Variants in SGSM1 observed in about 807,000 individuals in gnomAD.
The protein encoded by SGSM1 is small G protein signaling modulator 1, also known as RUN and TBC1 domain containing 2.
Under a neutral mutation model 133.8 loss-of-function variants are expected in SGSM1, and 73 were observed. That is an observed-to-expected ratio of 0.55 (90% CI 0.45 to 0.66). SGSM1 has a LOEUF of 0.66. SGSM1 is among the 30% of genes least tolerant of loss of function. SGSM1 has a pLI of 0.00. For missense variants in SGSM1, 1,213 were observed against 1,448.1 expected, an observed-to-expected ratio of 0.84 and a Z score of 2.64; for synonymous variants, 563 against 573.0, an observed-to-expected ratio of 0.98 and a Z score of 0.25.
chr22:24,853,608 C>T (rs572364339), intron 5 of SGSM1, among the ~76,000 whole-genome samples: 2 of 148,962 alleles, frequency 1.3e-5, no homozygotes, highest in East Asian at 1.9e-4. Context: ...AGGCAAAAGG[C>T]ACTTCTTTTT....
chr22:24,847,888 C>T (rs73879148), intron 4 of SGSM1, 92 bp downstream of exon 4: 32 of 1,468,756 alleles, frequency 2.2e-5, no homozygotes, highest in Non-Finnish European at 2.6e-5. Context: ...ACCCCTAGCA[C>T]TCTTTTCAGT....
chr22:24,835,789 G>A (rs1396018382), intron 2 of SGSM1, among the ~76,000 whole-genome samples: 1 of 152,004 alleles, frequency 6.6e-6, no homozygotes, highest in African/African-American at 2.4e-5. Context: ...GGTCAGCAGA[G>A]GGGCCTCCTT....
chr22:24,871,556 C>T (rs970448974), intron 12 of SGSM1, among the ~76,000 whole-genome samples: 4 of 152,134 alleles, frequency 2.6e-5, no homozygotes, highest in Non-Finnish European at 5.9e-5. Context: ...CACCATTAGC[C>T]CTCCCAGGTT....
chr22:24,812,395 A>G (rs957332302), intron 2 of SGSM1, among the ~76,000 whole-genome samples: 29 of 152,136 alleles, frequency 1.9e-4, no homozygotes, highest in African/African-American at 6.5e-4. Flanking sequence ...TTAAGGTCCC[A>G]CTGTCAGTCC....
chr22:24,822,560 A>G (rs957796166), intron 2 of SGSM1, among the ~76,000 whole-genome samples: 55 of 152,254 alleles, frequency 3.6e-4, no homozygotes, highest in African/African-American at 1.3e-3. Flanking sequence ...TTTTATCACC[A>G]CGATTCCTCT....
At chr22:24,858,654 A>AAAAAAAAAAAAG (rs1268815477) in intron 8 of SGSM1, among the ~76,000 whole-genome samples, 1 of 142,770 alleles carries the variant, frequency 7.0e-6, no homozygotes, top group African/African-American at 2.6e-5. Context: ...AAAAAAAAAA[A>AAAAAAAAAAAAG]AAGAAGAAAG....
At chr22:24,867,332 G>T (rs1462554201) in intron 10 of SGSM1, among the ~76,000 whole-genome samples, 172 bp downstream of exon 10, 1 of 152,206 alleles carries the variant, frequency 6.6e-6, no homozygotes, top group Non-Finnish European at 1.5e-5. Flanking sequence ...TTCCCCATCT[G>T]TAACATGGGA....
At chr22:24,916,221 A>G (rs189000778) in intron 22 of SGSM1, among the ~76,000 whole-genome samples, 15 of 151,876 alleles carry the variant, frequency 9.9e-5, no homozygotes, top group African/African-American at 3.1e-4. Context: ...CATCCCCTCC[A>G]TCTCCCCAGC....
intron 19 of SGSM1, 104 bp from the exon 20 acceptor site, chr22:24,901,729 A>G: frequency 7.8e-7 from 1 of 1,289,872 alleles, no homozygotes; most frequent in Non-Finnish European, 1.1e-6. Flanking sequence ...TTCAGTGACA[A>G]CAGGAGAGGG....
At chr22:24,913,144 T>A (rs1025944757) in intron 22 of SGSM1, among the ~76,000 whole-genome samples, 1 of 151,558 alleles carries the variant, frequency 6.6e-6, no homozygotes, top group Non-Finnish European at 1.5e-5. Flanking sequence ...ACAAAAAAAA[T>A]TAGCAGGGCA....
At chr22:24,855,117 G>T (rs1352281261) in intron 6 of SGSM1, 54 bp downstream of exon 6, 15 of 1,581,946 alleles carry the variant, frequency 9.5e-6, no homozygotes, top group Non-Finnish European at 1.3e-5. Flanking sequence ...TGAGTCTGAG[G>T]GGCACCTTCT....
At position 24,806,485 on chromosome 22, in the gene SGSM1, G is replaced by T; in HGVS notation, c.63+1G>T. 6.6e-7 allele frequency: 1 copy of T among 1,512,948 alleles called. No homozygotes were observed. The highest frequency in any genetic ancestry group is 8.8e-7 in the Non-Finnish European group (1 of 1,131,150). The allele number at this position is 1,512,948 out of a possible 1,614,324, so 93.7% of individuals were successfully genotyped here. On this transcript the variant is annotated splice_donor_variant, in intron 2 of 24. Coordinates refer to ENST00000400358, the MANE Select transcript of SGSM1 (RefSeq NM_001098497.3). LOFTEE classifies it high-confidence loss of function. ...GCTGCTACGCACCGTCAAGAAGGAG[G>T]TGGGTGCCGGGGTGGGGGCACTGGG...
intron 16 of SGSM1, among the ~76,000 whole-genome samples, chr22:24,890,371 A>G (rs1332735452): frequency 6.6e-6 from 1 of 152,216 alleles, no homozygotes; most frequent in Non-Finnish European, 1.5e-5. Context: ...CTGCAAAAGT[A>G]AGAGGTCCCA....
intron 2 of SGSM1, among the ~76,000 whole-genome samples, chr22:24,809,542 C>A (rs969867975): frequency 6.6e-6 from 1 of 152,250 alleles, no homozygotes; most frequent in Non-Finnish European, 1.5e-5. Context: ...TGGAAACTGT[C>A]CAGTGCTGGC....
At position 24,884,652 on chromosome 22, in the gene SGSM1, T is replaced by C. The variant is rs568225147; in HGVS notation, c.1641+454T>C. On this transcript the variant is annotated intron_variant, in intron 15 of 24. Transcript: ENST00000400358. ...GAGTACACCTAAGACTAAAGTGAAA[T>C]AGGCTTTTAATATCGGAATGTGAAT... Among the ~76,000 whole-genome samples the C allele has an allele frequency of 4.6e-5, 7 of 152,254 alleles. No homozygotes were observed. The South Asian group carries it at 1.2e-3, about 27-fold the overall frequency.
rs1471052856 is a variant in SGSM1, at chr22:24,828,920, G to A, written c.64-15977G>A. ...CACAAAAGAATGAGATTGGCTGGGC[G>A]CAGTGGCTCACGTCTATGATCCCAG... On this transcript the variant is annotated intron_variant, in intron 2 of 24. Transcript: ENST00000400358. 5.9e-5 allele frequency among the ~76,000 whole-genome samples: 9 copies of A among 152,272 alleles called. No homozygotes were observed. The East Asian group carries it at 1.2e-3, about 20-fold the overall frequency.
chr22:24,845,054 T>A, intron 3 of SGSM1, 82 bp downstream of exon 3: 1 of 1,390,426 alleles, frequency 7.2e-7, no homozygotes, highest in Non-Finnish European at 1.0e-6. Flanking sequence ...CTGTTTTGCT[T>A]TATGACTCTG....
chr22:24,841,748 G>T (rs765462249), intron 2 of SGSM1, among the ~76,000 whole-genome samples: 3 of 152,200 alleles, frequency 2.0e-5, no homozygotes, highest in Non-Finnish European at 2.9e-5. Context: ...ATCTTTAGAA[G>T]TTGGTGCTGT....
chr22:24,874,280 A>G, intron 12 of SGSM1: 1 of 859,554 alleles, frequency 1.2e-6, no homozygotes, highest in Non-Finnish European at 1.8e-6. Context: ...AATTGAACAC[A>G]GTGAATGTGG....
Sources: allele counts gnomAD v4.1 joint callset (sites outside exome capture counted in the v4.1 genomes callset), GRCh38; gene constraint gnomAD v4.1.1; transcripts MANE v1.5; gene names NCBI Gene and HGNC (gene_info 2026-07-23, HGNC 2026-07-21).